The following SEC24B variants were observed in gnomAD, a reference collection of about 807,000 sequenced individuals.
SEC24B encodes SEC24 homolog B, COPII component.
In SEC24B, 45 loss-of-function variants were observed where a neutral mutation model predicts 142.8. That is an observed-to-expected ratio of 0.32 (90% CI 0.25 to 0.40). The LOEUF (loss-of-function observed/expected upper bound fraction) is 0.40. Among genes scored for constraint, SEC24B ranks in the 10% least tolerant of loss-of-function variants. SEC24B has a pLI of 1.00. For missense variants in SEC24B, 1,409 were observed against 1,526.8 expected (o/e 0.92, Z 1.29); for synonymous variants, 574 against 568.2 (o/e 1.01, Z -0.15).
At chr4:109,478,561 G>A (rs1733412059) in intron 3 of SEC24B, among the ~76,000 whole-genome samples, 1 of 152,118 alleles carries the variant, frequency 6.6e-6, no homozygotes, top group Non-Finnish European at 1.5e-5. Flanking sequence ...GATAATGTAA[G>A]TGAAGAACAG....
intron 2 of SEC24B, among the ~76,000 whole-genome samples, chr4:109,467,348 G>T (rs998342764): frequency 5.7e-5 from 8 of 140,706 alleles, no homozygotes; most frequent in Non-Finnish European, 9.3e-5. Flanking sequence ...AAAAAAAAAA[G>T]TCCGCTCCAA....
chr4:109,482,935 A>AATATATATATAT (rs1561116278), intron 4 of SEC24B, among the ~76,000 whole-genome samples: 12 of 37,510 alleles, frequency 3.2e-4, no homozygotes, highest in South Asian at 1.1e-3. Context: ...CCAGGCTTGT[A>AATATATATATAT]CTATATATAT....
intron 23 of SEC24B, 62 bp downstream of exon 23, chr4:109,538,658 G>GAAGACAAGCAAT: frequency 9.9e-7 from 1 of 1,007,272 alleles, no homozygotes; most frequent in Non-Finnish European, 1.6e-6. Context: ...GGAATTGCTT[G>GAAGACAAGCAAT]TCTTCAAAGC....
At chr4:109,533,153 C>G (rs1401342817) in intron 21 of SEC24B, among the ~76,000 whole-genome samples, 2 of 152,022 alleles carry the variant, frequency 1.3e-5, no homozygotes, top group Admixed American at 1.3e-4. Flanking sequence ...ATTAGGAGTT[C>G]AAGAGAAATC....
intron 4 of SEC24B, among the ~76,000 whole-genome samples, chr4:109,482,979 T>TATATATATATATATATACACACAC (rs781527364): frequency 1.5e-4 from 4 of 26,418 alleles, no homozygotes; most frequent in East Asian, 2.2e-3. Flanking sequence ...TATATATATA[T>TATATATATATATATATACACACAC]ACACACACAC....
intron 1 of SEC24B, among the ~76,000 whole-genome samples, chr4:109,442,070 TAG>T (rs1264677583): frequency 6.6e-6 from 1 of 152,186 alleles, no homozygotes; most frequent in Non-Finnish European, 1.5e-5. Flanking sequence ...CCTATTGCCT[TAG>T]GGGTGTGTGG....
chr4:109,439,703 A>G (rs1180587461), intron 1 of SEC24B, among the ~76,000 whole-genome samples: 9 of 149,214 alleles, frequency 6.0e-5, no homozygotes, highest in Non-Finnish European at 1.3e-4. Context: ...GTTTCACTAT[A>G]TTGATCAGGC....
At chr4:109,434,226 G>T (rs1489245595) in intron 1 of SEC24B, among the ~76,000 whole-genome samples, 1 of 151,564 alleles carries the variant, frequency 6.6e-6, no homozygotes, top group Non-Finnish European at 1.5e-5. Context: ...CGCCCCTGGC[G>T]TGGGGGCGGG....
chr4:109,532,459 A>G (rs1178215739), intron 20 of SEC24B, among the ~76,000 whole-genome samples, 180 bp from the exon 21 acceptor site: 3 of 152,168 alleles, frequency 2.0e-5, no homozygotes, highest in African/African-American at 7.2e-5. Context: ...TTTAAATTTG[A>G]ATACATTTGA....
At chr4:109,477,314 A>G (rs918707575) in intron 3 of SEC24B, among the ~76,000 whole-genome samples, 2 of 151,576 alleles carry the variant, frequency 1.3e-5, no homozygotes, top group Non-Finnish European at 2.9e-5. Flanking sequence ...ACTTTTTATT[A>G]TTTTTATTTA....
At chr4:109,477,145 A>T (rs1733259570) in intron 3 of SEC24B, among the ~76,000 whole-genome samples, 1 of 122,996 alleles carries the variant, frequency 8.1e-6, no homozygotes, top group African/African-American at 5.9e-5. Flanking sequence ...TCAAATAAAA[A>T]AAAAAAAAAA....
At chr4:109,503,252 T>G (rs1316138272) in intron 6 of SEC24B, among the ~76,000 whole-genome samples, 2 of 145,960 alleles carry the variant, frequency 1.4e-5, no homozygotes, top group Non-Finnish European at 3.0e-5. Context: ...GAGTTAGAGT[T>G]TCACTCTTGT....
chr4:109,488,489 C>T (rs1462014760), intron 4 of SEC24B, among the ~76,000 whole-genome samples: 1 of 151,984 alleles, frequency 6.6e-6, no homozygotes, highest in Non-Finnish European at 1.5e-5. Flanking sequence ...GTGAATGTAT[C>T]ACATTTTATT....
intron 1 of SEC24B, among the ~76,000 whole-genome samples, chr4:109,439,559 A>G (rs953878904): frequency 1.0e-4 from 13 of 126,550 alleles, no homozygotes; most frequent in East Asian, 2.4e-4. Context: ...CTGGAATACA[A>G]TGGCACAATC....
intron 1 of SEC24B, among the ~76,000 whole-genome samples, chr4:109,434,651 G>A (rs1014319463): frequency 3.3e-5 from 5 of 152,194 alleles, no homozygotes; most frequent in African/African-American, 1.2e-4. Flanking sequence ...TTGCCGCTGC[G>A]GCTGCTGCTC....
chr4:109,456,328 T>C lies in SEC24B; in HGVS notation c.134-6573T>C, dbSNP rs190802983. On this transcript the variant is annotated intron_variant, in intron 1 of 23. Coordinates refer to ENST00000265175, the MANE Select transcript of SEC24B (RefSeq NM_006323.5). The stretch of plus-strand genomic sequence containing the variant: ...GTCATTCTGCAAATAAAGACAGGTT[T>C]TTTTTGTTTTTTTTTTTTTTTTTTT... 6.5e-3 allele frequency among the ~76,000 whole-genome samples: 913 copies of C among 141,460 alleles called. 2 individuals carry two copies. Among genetic ancestry groups the C allele is most frequent in the Non-Finnish European group, 0.011 (720 of 65,008 alleles). The allele number at this position is 141,460 out of a possible 152,430, so 92.8% of individuals were successfully genotyped here.
At position 109,518,062 on chromosome 4, in the gene SEC24B, G is replaced by A. The variant is rs183611482; in HGVS notation, c.2126+1422G>A. On this transcript the variant is annotated intron_variant, in intron 11 of 23. Coordinates refer to ENST00000265175, the MANE Select transcript of SEC24B (RefSeq NM_006323.5). The stretch of plus-strand genomic sequence containing the variant: ...AGCTCACTGCAACTTCCGCCTTCTG[G>A]GTTCAAGCAATTCTCTTGCCTCAGC... Among the ~76,000 whole-genome samples the A allele has an allele frequency of 1.6e-4, 25 of 152,086 alleles. No homozygotes were observed. The East Asian group carries it at 4.6e-3, about 28-fold the overall frequency.
chr4:109,537,669 A>G (rs1456961433), intron 22 of SEC24B, among the ~76,000 whole-genome samples: 6 of 152,186 alleles, frequency 3.9e-5, no homozygotes. Context: ...AGAAAAAAAG[A>G]AGAAGAATAC....
intron 3 of SEC24B, among the ~76,000 whole-genome samples, chr4:109,478,334 G>T (rs1733390357): frequency 6.6e-6 from 1 of 151,798 alleles, no homozygotes; most frequent in Non-Finnish European, 1.5e-5. Flanking sequence ...AGGACTGAGT[G>T]TTGGTGGGTG....
Sources: gnomAD v4.1 joint callset for allele counts (sites outside exome capture counted in the v4.1 genomes callset) on GRCh38, gnomAD v4.1.1 for gene constraint, MANE v1.5 for transcripts, NCBI Gene and HGNC (gene_info 2026-07-23, HGNC 2026-07-21) for gene names.